Variants in CAMK2B observed in about 807,000 individuals in gnomAD.
CAMK2B encodes the protein calcium/calmodulin dependent protein kinase II beta, also known as calcium/calmodulin-dependent protein kinase type II subunit beta.
CAMK2B carries 27 observed loss-of-function variants against 93.7 expected under a neutral mutation model. The ratio of observed to expected loss-of-function variants is 0.29; its 90% CI spans 0.21 to 0.40. The LOEUF is 0.40. CAMK2B is among the 10% of genes least tolerant of loss of function. CAMK2B has a pLI of 1.00. For synonymous variants in CAMK2B, 374 were observed against 358.8 expected, an observed-to-expected ratio of 1.04 and a Z score of -0.48; for missense variants, 568 against 895.8, an observed-to-expected ratio of 0.63 and a Z score of 4.67.
chr7:44,233,871 C>T (rs1354812616), intron 15 of CAMK2B, among the ~76,000 whole-genome samples: 1 of 152,178 alleles, frequency 6.6e-6, no homozygotes, highest in African/African-American at 2.4e-5. Context: ...GCTTAGACAC[C>T]TCTCTACTGC....
At chr7:44,315,630 T>C (rs1465909327) in intron 1 of CAMK2B, among the ~76,000 whole-genome samples, 4 of 152,214 alleles carry the variant, frequency 2.6e-5, no homozygotes, top group African/African-American at 9.6e-5. Context: ...GGAATTTTCA[T>C]AGCAAAAATG....
At chr7:44,305,153 T>C (rs1002860473) in intron 1 of CAMK2B, among the ~76,000 whole-genome samples, 1 of 152,204 alleles carries the variant, frequency 6.6e-6, no homozygotes, top group South Asian at 2.1e-4. Flanking sequence ...GGAGACATCC[T>C]GACTGTAATA....
At chr7:44,289,574 A>G (rs1786156884) in intron 1 of CAMK2B, among the ~76,000 whole-genome samples, 1 of 152,186 alleles carries the variant, frequency 6.6e-6, no homozygotes, top group Admixed American at 6.5e-5. Flanking sequence ...GACCTTGCTC[A>G]GGTGCCCTCC....
chr7:44,235,151 C>T (rs947458295), intron 13 of CAMK2B, among the ~76,000 whole-genome samples: 1 of 152,258 alleles, frequency 6.6e-6, no homozygotes, highest in African/African-American at 2.4e-5. Flanking sequence ...GCCGCCCACT[C>T]AGAGGGCCTT....
At chr7:44,307,276 G>A (rs1373486885) in intron 1 of CAMK2B, among the ~76,000 whole-genome samples, 1 of 145,114 alleles carries the variant, frequency 6.9e-6, no homozygotes, top group Non-Finnish European at 1.5e-5. Flanking sequence ...AAGGGGAGGA[G>A]GGTGTGAGCA....
chr7:44,234,349 C>G, intron 15 of CAMK2B, 41 bp downstream of exon 15: 1 of 1,464,808 alleles, frequency 6.8e-7, no homozygotes, highest in Non-Finnish European at 9.1e-7. Context: ...CAGCCAGGGG[C>G]GTAGGAGGGG....
intron 2 of CAMK2B, among the ~76,000 whole-genome samples, chr7:44,281,057 A>G (rs754419498): frequency 3.3e-5 from 5 of 152,072 alleles, no homozygotes; most frequent in Non-Finnish European, 5.9e-5. Flanking sequence ...TAGTGCCTCC[A>G]CCAGTGCCAG....
chr7:44,264,934 A>G (rs2096910500), intron 2 of CAMK2B, among the ~76,000 whole-genome samples: 1 of 152,114 alleles, frequency 6.6e-6, no homozygotes, highest in African/African-American at 2.4e-5. Context: ...GGAGGGGTCC[A>G]TGCACAAGGC....
intron 1 of CAMK2B, among the ~76,000 whole-genome samples, chr7:44,288,526 G>A (rs1465160501): frequency 6.6e-6 from 1 of 152,248 alleles, no homozygotes; most frequent in Non-Finnish European, 1.5e-5. Context: ...TGGCCTGCAT[G>A]GGACGAATGC....
intron 2 of CAMK2B, among the ~76,000 whole-genome samples, chr7:44,282,912 T>C (rs1054174719): frequency 6.6e-6 from 1 of 152,172 alleles, no homozygotes; most frequent in Non-Finnish European, 1.5e-5. Flanking sequence ...TGTGCCTGGA[T>C]GCTAATCAAG....
chr7:44,276,417 G>A (rs62459111), intron 2 of CAMK2B, among the ~76,000 whole-genome samples: 31,166 of 152,054 alleles, frequency 0.2, 3,968 homozygotes, highest in Middle Eastern at 0.3. Flanking sequence ...GGAAAGCCCC[G>A]GAGGCAGCAC....
chr7:44,221,404 C>T (rs1346553961), intron 20 of CAMK2B, among the ~76,000 whole-genome samples: 2 of 152,230 alleles, frequency 1.3e-5, no homozygotes, highest in Non-Finnish European at 2.9e-5. Flanking sequence ...AGTGCAGGCA[C>T]CAGGCGAGAA....
chr7:44,247,052 C>G, intron 6 of CAMK2B, 68 bp downstream of exon 6: 1 of 1,325,598 alleles, frequency 7.5e-7, no homozygotes, highest in Non-Finnish European at 1.1e-6. Flanking sequence ...CAGCCCCTCA[C>G]ACTTCCTTGT....
chr7:44,251,415 G>A (rs955005814), intron 5 of CAMK2B, among the ~76,000 whole-genome samples: 1 of 152,192 alleles, frequency 6.6e-6, no homozygotes, highest in Non-Finnish European at 1.5e-5. Context: ...AGCCACCGTG[G>A]CCCCAGGCAG....
chr7:44,219,899 C>T (rs2096377628), intron 23 of CAMK2B, among the ~76,000 whole-genome samples, 161 bp downstream of exon 23: 1 of 152,118 alleles, frequency 6.6e-6, no homozygotes, highest in African/African-American at 2.4e-5. Flanking sequence ...GCCGTGGTCC[C>T]TAATTTGACA....
intron 20 of CAMK2B, among the ~76,000 whole-genome samples, chr7:44,221,803 C>G (rs1003531578): frequency 6.6e-6 from 1 of 152,244 alleles, no homozygotes; most frequent in African/African-American, 2.4e-5. Flanking sequence ...TGCATTGCTG[C>G]TTTAACTACA....
intron 1 of CAMK2B, among the ~76,000 whole-genome samples, chr7:44,284,563 T>C (rs1784564234): frequency 6.6e-6 from 1 of 152,214 alleles, no homozygotes; most frequent in Non-Finnish European, 1.5e-5. Context: ...CTGTGTGACC[T>C]ACAGGCCTGT....
chr7:44,266,697 C>A (rs912897807), intron 2 of CAMK2B, among the ~76,000 whole-genome samples: 5 of 152,186 alleles, frequency 3.3e-5, no homozygotes, highest in Non-Finnish European at 7.4e-5. Context: ...TCCCTACCTG[C>A]CCAGGGCCCC....
Position 44,241,730 on chromosome 7 carries a change from C to T in CAMK2B, c.873G>A (p.Leu291=), listed in dbSNP as rs2096680857. ...MMHRQETVEC[L]KKFNARRKLK... The stretch of plus-strand genomic sequence containing the variant: ...GCTTTCTCCTGGCATTGAACTTTTT[C>T]AGACACTCCACAGTCTCCTGTCTGT... Residue 291 remains leucine (L), a synonymous_variant, in exon 11 of 24, where the codon CTG becomes CTA. Transcript: ENST00000395749. 6.2e-7 allele frequency: 1 copy of T among 1,613,922 alleles called. No homozygotes were observed. The highest frequency in any genetic ancestry group is 8.5e-7 in the Non-Finnish European group (1 of 1,179,872).
Sources: gnomAD v4.1 joint callset for allele counts (sites outside exome capture counted in the v4.1 genomes callset) on GRCh38, gnomAD v4.1.1 for gene constraint, MANE v1.5 for transcripts, NCBI Gene and HGNC (gene_info 2026-07-23, HGNC 2026-07-21) for gene names.